Variants in NRG1 observed in about 807,000 individuals in gnomAD.
NRG1 encodes the protein pro-neuregulin-1, membrane-bound isoform.
NRG1 carries 18 observed loss-of-function variants against 63.8 expected under a neutral mutation model. The observed-to-expected ratio is 0.28, with a 90% CI of 0.19 to 0.42. NRG1 has a LOEUF of 0.42. Among genes scored for constraint, NRG1 ranks in the 10% least tolerant of loss-of-function variants. The pLI, the probability that NRG1 is intolerant of heterozygous loss-of-function variation, is 1.00. For missense variants in NRG1, 762 were observed against 814.7 expected (o/e 0.94, Z 0.79); for synonymous variants, 302 against 301.3 (o/e 1.00, Z -0.02).
chr8:31,674,398 T>G (rs1431120555), intron 1 of NRG1, among the ~76,000 whole-genome samples: 1 of 152,182 alleles, frequency 6.6e-6, no homozygotes, highest in African/African-American at 2.4e-5. Context: ...CCAATACTTA[T>G]TATTATTATT....
chr8:32,390,691 C>T (rs11996345), intron 1 of NRG1, among the ~76,000 whole-genome samples: 1 of 151,930 alleles, frequency 6.6e-6, no homozygotes, highest in African/African-American at 2.4e-5. Flanking sequence ...TTATCTGCTC[C>T]CACAATGCCC....
intron 1 of NRG1, among the ~76,000 whole-genome samples, chr8:31,707,508 A>G (rs1312943599): frequency 3.9e-5 from 6 of 152,050 alleles, no homozygotes; most frequent in Non-Finnish European, 8.8e-5. Flanking sequence ...AAACTTCCAG[A>G]TTAACTTGTT....
At chr8:32,311,404 A>G (rs928331714) in intron 1 of NRG1, among the ~76,000 whole-genome samples, 1 of 152,164 alleles carries the variant, frequency 6.6e-6, no homozygotes, top group African/African-American at 2.4e-5. Context: ...AGATGGCTGA[A>G]GCTGAGAGTT....
intron 1 of NRG1, among the ~76,000 whole-genome samples, chr8:31,736,568 GA>G (rs958447967): frequency 7.3e-5 from 11 of 150,414 alleles, no homozygotes; most frequent in South Asian, 4.2e-4. Context: ...ACAAAACCAA[GA>G]AAAAAAAACT....
chr8:31,876,363 T>A (rs1356867184), intron 1 of NRG1, among the ~76,000 whole-genome samples: 1 of 152,216 alleles, frequency 6.6e-6, no homozygotes, highest in Non-Finnish European at 1.5e-5. Flanking sequence ...GTCATCAATT[T>A]CTGTTTGAGG....
At chr8:31,771,966 C>T (rs1002848799) in intron 1 of NRG1, among the ~76,000 whole-genome samples, 1 of 152,182 alleles carries the variant, frequency 6.6e-6, no homozygotes, top group African/African-American at 2.4e-5. Context: ...TCTAGTGATA[C>T]TTACTTTGGA....
chr8:32,680,245 G>C (rs4733368), intron 5 of NRG1, among the ~76,000 whole-genome samples: 23,126 of 151,966 alleles, frequency 0.15, 1,754 homozygotes, highest in African/African-American at 0.19. Context: ...ATAATTTAAG[G>C]CACATTAACC....
intron 1 of NRG1, among the ~76,000 whole-genome samples, chr8:31,832,456 G>A (rs950123275): frequency 3.3e-5 from 5 of 151,872 alleles, no homozygotes; most frequent in Admixed American, 6.6e-5. Flanking sequence ...ACAGAGTTTC[G>A]CCATGTTGTC....
intron 7 of NRG1, among the ~76,000 whole-genome samples, chr8:32,748,141 G>A (rs1182229985): frequency 6.6e-6 from 1 of 151,896 alleles, no homozygotes; most frequent in Non-Finnish European, 1.5e-5. Flanking sequence ...ATGCCCAAAT[G>A]CAAGTTTTTG....
At chr8:32,416,227 G>A (rs530133401) in intron 1 of NRG1, among the ~76,000 whole-genome samples, 2 of 152,244 alleles carry the variant, frequency 1.3e-5, no homozygotes, top group Admixed American at 1.3e-4. Flanking sequence ...GTGATATAAA[G>A]TGTTAAGTGT....
intron 5 of NRG1, chr8:32,721,802 G>T (rs771113096): frequency 1.7e-5 from 22 of 1,292,576 alleles, no homozygotes; most frequent in Non-Finnish European, 2.1e-5. Flanking sequence ...CATTCCCTTG[G>T]CATCTAGAGA....
At chr8:31,791,872 C>T (rs1315861068) in intron 1 of NRG1, among the ~76,000 whole-genome samples, 1 of 152,158 alleles carries the variant, frequency 6.6e-6, no homozygotes, top group Non-Finnish European at 1.5e-5. Flanking sequence ...AACTTAAATT[C>T]AACTCCTGGC....
exon 11 of NRG1, chr8:32,760,211 G>A: frequency 6.2e-7 from 1 of 1,613,864 alleles, no homozygotes; most frequent in African/African-American, 1.3e-5. Flanking sequence ...TGGAGCAACG[G>A]ACACACTGAA....
chr8:31,960,310 G>T (rs1211536249), intron 1 of NRG1, among the ~76,000 whole-genome samples: 1 of 152,126 alleles, frequency 6.6e-6, no homozygotes, highest in African/African-American at 2.4e-5. Flanking sequence ...CCTGACAGTT[G>T]CTGAGGCTGT....
chr8:31,830,978 TG>T (rs1369230184), intron 1 of NRG1, among the ~76,000 whole-genome samples: 2 of 152,110 alleles, frequency 1.3e-5, no homozygotes, highest in African/African-American at 2.4e-5. Context: ...GATGCCTAAA[TG>T]ACAACTTGGG....
chr8:31,887,529 A>C (rs933350823), intron 1 of NRG1, among the ~76,000 whole-genome samples: 6 of 152,124 alleles, frequency 3.9e-5, no homozygotes, highest in Admixed American at 6.6e-5. Context: ...CTACACATAT[A>C]GAGAAGATCA....
At chr8:32,693,408 G>A (rs186968865) in intron 5 of NRG1, among the ~76,000 whole-genome samples, 1 of 151,894 alleles carries the variant, frequency 6.6e-6, no homozygotes, top group African/African-American at 2.4e-5. Context: ...TAGTACAGAT[G>A]AGGTTTCACA....
intron 1 of NRG1, among the ~76,000 whole-genome samples, chr8:32,182,177 A>C (rs1170926147): frequency 6.6e-6 from 1 of 152,186 alleles, no homozygotes; most frequent in Non-Finnish European, 1.5e-5. Flanking sequence ...GGGTTCTGAT[A>C]ATAAGCACAG....
intron 1 of NRG1, among the ~76,000 whole-genome samples, chr8:32,157,245 G>C (rs1838203111): frequency 6.7e-6 from 1 of 150,224 alleles, no homozygotes; most frequent in Middle Eastern, 3.2e-3. Flanking sequence ...TGCACCTGTA[G>C]TCCCAGCTAC....
Sources: gnomAD v4.1 joint callset for allele counts (sites outside exome capture counted in the v4.1 genomes callset) on GRCh38, gnomAD v4.1.1 for gene constraint, MANE v1.5 for transcripts, NCBI Gene and HGNC (gene_info 2026-07-23, HGNC 2026-07-21) for gene names.